PIEZO2: variants seen among roughly 807,000 people sequenced by gnomAD.
The protein encoded by PIEZO2 is piezo-type mechanosensitive ion channel component 2.
In PIEZO2, 172 loss-of-function variants were observed where a neutral mutation model predicts 337.3. The ratio of observed to expected loss-of-function variants is 0.51; its 90% confidence interval spans 0.45 to 0.58. The LOEUF is 0.58. Ranked by LOEUF, PIEZO2 falls within the 20% of genes least tolerant of loss-of-function variation. The pLI is 0.00. For missense variants in PIEZO2, 3,028 were observed against 3,391.3 expected, an observed-to-expected ratio of 0.89 and a Z score of 2.66; for synonymous variants, 1,251 against 1,228.5, an observed-to-expected ratio of 1.02 and a Z score of -0.38.
Position 10,682,983 on chromosome 18 carries a change from G to C in PIEZO2, c.7498-691C>G, listed in dbSNP as rs1341325158. On this transcript the variant is annotated intron_variant, in intron 49 of 55. Coordinates refer to ENST00000674853, the MANE Select transcript of PIEZO2 (RefSeq NM_001378183.1). The surrounding 1 kb of genome is among the most constrained non-coding windows in gnomAD (Gnocchi z 5.6). ...GGACCCACTAAGCCCCCTGCTTAAA[G>C]ACTATGGACAAGTGGAAATTGGAGC... Among the ~76,000 whole-genome samples the C allele has an allele frequency of 6.6e-6, 1 of 152,202 alleles. No individual in the cohort carries two copies. The highest frequency in any genetic ancestry group is 1.5e-5 in the Non-Finnish European group (1 of 68,034).
chr18:11,010,029 A>G (rs1383133530), intron 2 of PIEZO2, among the ~76,000 whole-genome samples: 1 of 152,214 alleles, frequency 6.6e-6, no homozygotes, highest in African/African-American at 2.4e-5. Context: ...GCAAGAGTAA[A>G]TGAATACGTA....
In PIEZO2 at chr18:10,773,160, T is replaced by A. The variant is rs1171420856; in HGVS notation, c.2785+252A>T. On this transcript the variant is annotated intron_variant, in intron 20 of 55. Coordinates refer to ENST00000674853, the MANE Select transcript of PIEZO2 (RefSeq NM_001378183.1). The surrounding 1 kb of genome is among the most constrained non-coding windows in gnomAD (Gnocchi z 5.3). Reference sequence around the variant, plus strand: ...GTCAACACCATGCCCCACCAGTGTCTAGACAGGAGCACTACTTGAGGGTCA... The same window carrying A: ...GTCAACACCATGCCCCACCAGTGTCAAGACAGGAGCACTACTTGAGGGTCA... 6.6e-6 allele frequency among the ~76,000 whole-genome samples: 1 copy of A among 152,216 alleles called. No homozygotes were observed. The highest frequency in any genetic ancestry group is 1.5e-5 in the Non-Finnish European group (1 of 68,040).
rs936927180 is a variant in PIEZO2, at chr18:10,821,210, A to G, written c.918-13936T>C. ...TTGGATTCCCTTCCCCACATAATGT[A>G]CAGTAAATTCCTCCAGGTAGAAAGC... is the stretch of plus-strand genomic sequence containing the variant. On this transcript the variant is annotated intron_variant, in intron 7 of 55. Transcript: ENST00000674853. The surrounding 1 kb of genome is among the most constrained non-coding windows in gnomAD (Gnocchi z 4.2). 1.3e-5 allele frequency among the ~76,000 whole-genome samples: 2 copies of G among 152,182 alleles called. No homozygotes were observed. Among genetic ancestry groups the G allele is most frequent in the Non-Finnish European group, 2.9e-5 (2 of 68,028 alleles).
rs2041059530 is a variant in PIEZO2 at position 10,837,675 on chromosome 18, A to C, written c.917+17678T>G. Among the ~76,000 whole-genome samples, 1 of 152,220 alleles carries C rather than the reference A, an allele frequency of 6.6e-6. No individual in the cohort carries two copies. The highest frequency in any genetic ancestry group is 6.5e-5 in the Admixed American group (1 of 15,284). On this transcript the variant is annotated intron_variant, in intron 7 of 55. Coordinates refer to ENST00000674853, the MANE Select transcript of PIEZO2 (RefSeq NM_001378183.1). This position sits in a 1 kb window ranked among gnomAD's most constrained non-coding sequence, Gnocchi z 4.4. ...AATGAAAACAAAGACATACCATCAA[A>C]AAGGCATGGGTAGTCAGATATCCTC...
rs1261208328 is a variant in PIEZO2, at chr18:11,096,786, TA to T, written c.65-30565del. The stretch of plus-strand genomic sequence containing the variant: ...ATAGCTCAGGCTGACCACACTAACA[TA>T]AAAAGCACTCATTCTTCTGCATTTC... On this transcript the variant is annotated intron_variant, in intron 1 of 55. Coordinates refer to ENST00000674853, the MANE Select transcript of PIEZO2 (RefSeq NM_001378183.1). The surrounding 1 kb of genome is among the most constrained non-coding windows in gnomAD (Gnocchi z 4.6). Among the ~76,000 whole-genome samples the T allele has an allele frequency of 1.3e-5, 2 of 152,092 alleles. No homozygotes were observed. Among genetic ancestry groups the T allele is most frequent in the Non-Finnish European group, 2.9e-5 (2 of 68,006 alleles).
intron 49 of PIEZO2, among the ~76,000 whole-genome samples, chr18:10,687,681 G>T (rs538567923): frequency 1.3e-5 from 2 of 152,288 alleles, no homozygotes; most frequent in South Asian, 4.1e-4. Context: ...GTGGAACTCT[G>T]AGCCTAGACC....
chr18:11,145,301 C>G (rs1430095554), intron 1 of PIEZO2, among the ~76,000 whole-genome samples: 1 of 152,068 alleles, frequency 6.6e-6, no homozygotes, highest in African/African-American at 2.4e-5. Flanking sequence ...ATAACATCTG[C>G]ATTGAAGAGG....
intron 2 of PIEZO2, among the ~76,000 whole-genome samples, chr18:11,011,359 T>C (rs3247): frequency 0.54 from 81,469 of 151,860 alleles, 22,114 homozygotes; most frequent in African/African-American, 0.6. Context: ...CTAGTCTCTC[T>C]TTGTAATTAA....
Position 10,708,362 on chromosome 18 carries a change from G to C in PIEZO2, c.5501C>G (p.Thr1834Arg), listed in dbSNP as rs2143814906. The stretch of plus-strand genomic sequence containing the variant: ...GAGCCTAGGCCGAGCACGCTCGCTT[G>C]TTTTAGGAATTTCTTGTCCATCTAA... ...DDLDGQEIPK[T>R]SERARPRLRK... is the part of the protein sequence containing the mutation. The change falls in exon 40 of 56, where the codon ACA becomes AGA. Residue 1834 changes from threonine to arginine, a missense_variant. Thr to Arg is a moderately conservative substitution (Grantham distance 71). Transcript: ENST00000674853. The C allele has an allele frequency of 6.5e-6, 1 of 152,806 alleles. No homozygotes were observed. The highest frequency in any genetic ancestry group is 1.9e-4 in the East Asian group (1 of 5,192). The allele number at this position is 152,806 out of a possible 1,614,324, so 9.5% of individuals were successfully genotyped here. A position where few individuals can be genotyped will look rare whatever the true frequency, so the allele number is the denominator to read the frequency against.
intron 3 of PIEZO2, among the ~76,000 whole-genome samples, chr18:10,960,645 G>A (rs112687147): frequency 0.012 from 1,765 of 151,444 alleles, 39 homozygotes; most frequent in African/African-American, 0.04. Flanking sequence ...TTTTTCCTGA[G>A]CTGATTACTC....
In PIEZO2 at chr18:11,031,291, G is replaced by A. The variant is rs57987655; in HGVS notation, c.160+34836C>T. On this transcript the variant is annotated intron_variant, in intron 2 of 55. Coordinates refer to ENST00000674853, the MANE Select transcript of PIEZO2 (RefSeq NM_001378183.1). This position sits in a 1 kb window ranked among gnomAD's most constrained non-coding sequence, Gnocchi z 4.7. ...TGGGATTACAGGCGTGAGCCACTGC[G>A]CCTGGCCTGGAATTTTTTTTTAATA... Among the ~76,000 whole-genome samples, 558 of 151,594 alleles carry A rather than the reference G, an allele frequency of 3.7e-3. 20 individuals carry two copies. In the East Asian group the frequency reaches 0.079, roughly 22 times the overall value.
chr18:10,883,039 A>G (rs2042468771), intron 4 of PIEZO2, among the ~76,000 whole-genome samples: 1 of 151,866 alleles, frequency 6.6e-6, no homozygotes. Flanking sequence ...TGGTTTCACC[A>G]TGTTGGCCAG....
chr18:10,913,041 A>ATG (rs2030621722), intron 3 of PIEZO2, among the ~76,000 whole-genome samples: 1 of 151,956 alleles, frequency 6.6e-6, no homozygotes, highest in Non-Finnish European at 1.5e-5. Context: ...AGTGGGTCCC[A>ATG]TGTGAATGTC....
At chr18:11,091,719 G>C (rs2039097836) in intron 1 of PIEZO2, among the ~76,000 whole-genome samples, 1 of 152,150 alleles carries the variant, frequency 6.6e-6, no homozygotes, top group Admixed American at 6.5e-5. Context: ...CGCTAGAAAG[G>C]GGTTTGTTCT....
chr18:10,714,972 C>A, intron 38 of PIEZO2, 42 bp from the exon 39 acceptor site: 1 of 1,524,356 alleles, frequency 6.6e-7, no homozygotes, highest in Non-Finnish European at 8.8e-7. Flanking sequence ...ATGGAGGCAT[C>A]TACCTGTATA....
rs1488310007 is a variant in PIEZO2, at chr18:10,707,923, C to T, written c.5588+352G>A. Among the ~76,000 whole-genome samples the T allele has an allele frequency of 2.0e-5, 3 of 152,106 alleles. No homozygotes were observed. Among genetic ancestry groups the T allele is most frequent in the Admixed American group, 6.5e-5 (1 of 15,282 alleles). On this transcript the variant is annotated intron_variant, in intron 40 of 55. Transcript: ENST00000674853. The surrounding 1 kb of genome is among the most constrained non-coding windows in gnomAD (Gnocchi z 4.2). Reference sequence around the variant, plus strand: ...GTTTTCTACCTTTGCAAACAGAGTTCCCCCTTTGAGTAGTGCCCTCAGAAG... The same window carrying T: ...GTTTTCTACCTTTGCAAACAGAGTTTCCCCTTTGAGTAGTGCCCTCAGAAG...
intron 40 of PIEZO2, 119 bp from the exon 41 acceptor site, chr18:10,705,865 G>A (rs994238683): frequency 8.2e-7 from 1 of 1,219,006 alleles, no homozygotes; most frequent in Non-Finnish European, 1.1e-6. Flanking sequence ...TTTCCCCCCT[G>A]CATTCCATCT....
intron 48 of PIEZO2, 131 bp from the exon 49 acceptor site, chr18:10,689,933 C>A (rs2034728709): frequency 2.1e-6 from 2 of 972,900 alleles, no homozygotes; most frequent in Admixed American, 3.2e-5. Context: ...GGTGACCCTT[C>A]CAGTAAAACC....
At chr18:10,782,382 T>TATAATTATATATAA (rs2039046270) in intron 17 of PIEZO2, among the ~76,000 whole-genome samples, 3 of 95,094 alleles carry the variant, frequency 3.2e-5, no homozygotes, top group African/African-American at 1.3e-4. Flanking sequence ...TATAATATAT[T>TATAATTATATATAA]ATAATTATAT....
Sources: gnomAD v4.1 joint callset for allele counts (sites outside exome capture counted in the v4.1 genomes callset) on GRCh38, gnomAD v4.1.1 for gene constraint, Gnocchi (gnomAD v3.1) non-coding constraint, MANE v1.5 for transcripts, NCBI Gene and HGNC (gene_info 2026-07-23, HGNC 2026-07-21) for gene names.